DHPS: variants seen among roughly 807,000 people sequenced by gnomAD.
The protein encoded by DHPS is deoxyhypusine synthase.
DHPS carries 24 observed loss-of-function variants against 38.7 expected under a neutral mutation model. The ratio of observed to expected loss-of-function variants is 0.62; its 90% CI spans 0.45 to 0.87. The LOEUF (loss-of-function observed/expected upper bound fraction) is 0.87, where lower values mean the gene tolerates loss of function less well. Ranked by LOEUF, DHPS falls within the 40% of genes least tolerant of loss-of-function variation. The pLI, the probability that DHPS is intolerant of heterozygous loss-of-function variation, is 0.00. For synonymous variants in DHPS, 250 were observed against 204.4 expected, an observed-to-expected ratio of 1.22 and a Z score of -1.90; for missense variants, 510 against 497.6, an observed-to-expected ratio of 1.02 and a Z score of -0.24.
chr19:12,674,131 G>A (rs1009809345), downstream of DHPS, among the ~76,000 whole-genome samples: 35 of 152,190 alleles, frequency 2.3e-4, no homozygotes, highest in African/African-American at 7.7e-4. Context: ...GGCAAGATCC[G>A]GGGTCAGGCT....
At position 12,675,947 on chromosome 19, in the gene DHPS, A is replaced by T. The variant is rs928799443; in HGVS notation, c.1015-14T>A. On this transcript the variant is annotated splice_polypyrimidine_tract_variant and intron_variant, in intron 8 of 8. Coordinates refer to ENST00000210060, the MANE Select transcript of DHPS (RefSeq NM_001930.4). Reference sequence around the variant, plus strand: ...GTCAGCATAGACCTGGGTAGGGGGGAACCTGGGTAAGCCATGGGACCCACA... The same window carrying T: ...GTCAGCATAGACCTGGGTAGGGGGGTACCTGGGTAAGCCATGGGACCCACA... 1.2e-6 allele frequency: 2 copies of T among 1,602,574 alleles called. No individual in the cohort carries two copies. The highest frequency in any genetic ancestry group is 2.2e-5 in the South Asian group (2 of 89,864).
At chr19:12,673,325 C>T (rs763223549), downstream of DHPS, 96 of 1,608,548 alleles carry the variant, frequency 6.0e-5, 1 homozygote, top group East Asian at 2.1e-3. Flanking sequence ...AGGTGAGGTG[C>T]CCCCAGCCCT....
intron 1 of DHPS, 64 bp downstream of exon 1, chr19:12,681,496 A>G (rs1181771134): frequency 8.3e-6 from 13 of 1,572,520 alleles, no homozygotes; most frequent in Non-Finnish European, 8.7e-6. Flanking sequence ...GCCCCCGTCT[A>G]GTACCGCGTT....
Position 12,679,474 on chromosome 19 carries a change from A to G in DHPS, c.661T>C (p.Tyr221His). 6.2e-7 allele frequency: 1 copy of G among 1,614,184 alleles called. No individual in the cohort carries two copies. The highest frequency in any genetic ancestry group is 8.5e-7 in the Non-Finnish European group (1 of 1,180,022). The change falls in exon 5 of 9, where the codon TAT becomes CAT. Residue 221 changes from tyrosine (Y) to histidine (H), a missense_variant. Physicochemically the swap from Tyr to His is moderately conservative, Grantham distance 83. Transcript: ENST00000210060. Reference protein sequence around the residue: ...GKEINNPESVYYWAQKNHIPV... With the variant: ...GKEINNPESVHYWAQKNHIPV... ...GTCCTCACCTTCTGGGCCCAGTAAT[A>G]CACGGACTCTGGGTTGTTGATCTCC...
chr19:12,681,841 C>T lies in DHPS; in HGVS notation c.-75G>A. Reference sequence around the variant, plus strand: ...GGCGGCCCAGAAACGCGTTAAACCCCGACGCGCGCGTCTCCGCAAGAGCAC... The same window carrying T: ...GGCGGCCCAGAAACGCGTTAAACCCTGACGCGCGCGTCTCCGCAAGAGCAC... On this transcript the variant is annotated 5_prime_UTR_variant, in exon 1 of 9. Coordinates refer to ENST00000210060, the MANE Select transcript of DHPS (RefSeq NM_001930.4). 1.5e-6 allele frequency: 2 copies of T among 1,303,896 alleles called. No individual in the cohort carries two copies. Among genetic ancestry groups the T allele is most frequent in the South Asian group, 1.2e-5 (1 of 81,496 alleles). 80.8% of individuals were successfully genotyped at this position (1,303,896 alleles called of 1,614,324 possible). A position where few individuals can be genotyped will look rare whatever the true frequency, so the allele number is the denominator to read the frequency against.
chr19:12,677,845 T>A (rs568316446), intron 5 of DHPS, among the ~76,000 whole-genome samples: 169 of 151,944 alleles, frequency 1.1e-3, no homozygotes, highest in Non-Finnish European at 2.0e-3. Context: ...TTCCACCATG[T>A]TGGCCAGGCT....
intron 5 of DHPS, among the ~76,000 whole-genome samples, chr19:12,677,673 T>C (rs988921093): frequency 3.9e-5 from 6 of 152,132 alleles, no homozygotes; most frequent in Non-Finnish European, 4.4e-5. Flanking sequence ...GTTTCACTCG[T>C]TGCCCAGGCT....
chr19:12,677,943 C>T (rs2024673131), intron 5 of DHPS, among the ~76,000 whole-genome samples: 1 of 150,046 alleles, frequency 6.7e-6, no homozygotes, highest in Admixed American at 6.6e-5. Context: ...GCCCGGCCGT[C>T]TAATTCTTTT....
downstream of DHPS, chr19:12,675,543 G>A: frequency 6.2e-7 from 1 of 1,605,822 alleles, no homozygotes; most frequent in East Asian, 2.2e-5. Context: ...CTCTGGCCCT[G>A]CCTGTGGGTT....
At chr19:12,677,044 C>G in intron 7 of DHPS, 64 bp downstream of exon 7, 7 of 1,484,744 alleles carry the variant, frequency 4.7e-6, no homozygotes, top group Non-Finnish European at 6.6e-6. Context: ...GTCTACCCAG[C>G]ACATGGCATA....
Position 12,681,599 on chromosome 19 carries a change from T to G in DHPS, c.168A>C (p.Ala56=). 1 of 1,614,260 alleles carries G rather than the reference T, an allele frequency of 6.2e-7. No homozygotes were observed. Among genetic ancestry groups the G allele is most frequent in the Non-Finnish European group, 8.5e-7 (1 of 1,180,038 alleles). Residue 56 remains alanine, a synonymous_variant, in exon 1 of 9, where the codon GCA becomes GCC. Transcript: ENST00000210060. ...GCTGTACAGCGCGCCCGAAGTTGGT[T>G]GCTTGGAAGCCGGTGGTGCCGAAGG... ...LEAFGTTGFQ[A]TNFGRAVQQV...
Position 12,676,147 on chromosome 19 carries a change from G to C in DHPS, c.889-5C>G, listed in dbSNP as rs769008049. The C allele has an allele frequency of 5.6e-6, 9 of 1,603,498 alleles. No individual in the cohort carries two copies. The highest frequency in any genetic ancestry group is 7.7e-6 in the Non-Finnish European group (9 of 1,175,864). The stretch of plus-strand genomic sequence containing the variant: ...AGCGTAGTCGGCCCCGTTCCGCTGT[G>C]GGGAGGCGGGGGCACGGTGGGCCCA... On this transcript the variant is annotated splice_polypyrimidine_tract_variant and splice_region_variant and intron_variant, in intron 7 of 8. Coordinates refer to ENST00000210060, the MANE Select transcript of DHPS (RefSeq NM_001930.4).
chr19:12,674,935 G>T (rs1477564269), downstream of DHPS, among the ~76,000 whole-genome samples: 1 of 151,868 alleles, frequency 6.6e-6, no homozygotes, highest in East Asian at 1.9e-4. Flanking sequence ...CCAACATGGT[G>T]AAACCCCATC....
chr19:12,675,392 G>C (rs2024544685), downstream of DHPS: 6 of 1,291,770 alleles, frequency 4.6e-6, no homozygotes, highest in South Asian at 7.3e-5. Flanking sequence ...GCAATTAGAG[G>C]CAGGTGGCTG....
chr19:12,674,173 C>G (rs1323103757), downstream of DHPS, among the ~76,000 whole-genome samples: 1 of 152,240 alleles, frequency 6.6e-6, no homozygotes. Context: ...GCAACTGGCA[C>G]TGACCCCTGG....
intron 3 of DHPS, 23 bp downstream of exon 3, chr19:12,679,778 C>T (rs776725904): frequency 1.9e-6 from 3 of 1,613,930 alleles, no homozygotes; most frequent in Non-Finnish European, 2.5e-6. Context: ...GCTCCCCTGC[C>T]CAACACCACT....
downstream of DHPS, among the ~76,000 whole-genome samples, chr19:12,674,342 A>G (rs2024508540): frequency 6.6e-6 from 1 of 152,158 alleles, no homozygotes; most frequent in South Asian, 2.1e-4. Flanking sequence ...CCAGAAACAG[A>G]CCATCCTGGT....
intron 1 of DHPS, among the ~76,000 whole-genome samples, chr19:12,680,564 A>C (rs1599385120): frequency 3.2e-5 from 4 of 124,674 alleles, no homozygotes; most frequent in Admixed American, 8.9e-5. Flanking sequence ...ACGGAGTTTC[A>C]CTCTTGTTAC....
chr19:12,679,326 T>C (rs2024719729), intron 5 of DHPS, 131 bp downstream of exon 5: 1 of 881,440 alleles, frequency 1.1e-6, no homozygotes, highest in African/African-American at 1.7e-5. Flanking sequence ...CACGCCTATC[T>C]GTGTTTGAGT....
Sources: allele counts gnomAD v4.1 joint callset (sites outside exome capture counted in the v4.1 genomes callset), GRCh38; gene constraint gnomAD v4.1.1; transcripts MANE v1.5; gene names NCBI Gene and HGNC (gene_info 2026-07-23, HGNC 2026-07-21).